Variants in MARCHF1 observed in about 807,000 individuals in gnomAD.
The protein encoded by MARCHF1 is membrane associated ring-CH-type finger 1.
In MARCHF1, 40 loss-of-function variants were observed where a neutral mutation model predicts 54.2. The observed-to-expected ratio is 0.74, with a 90% CI of 0.57 to 0.96. The LOEUF (loss-of-function observed/expected upper bound fraction) is 0.96, where lower values mean the gene tolerates loss of function less well. MARCHF1 is among the 40% of genes least tolerant of loss of function. The pLI is 0.00. For synonymous variants in MARCHF1, 236 were observed against 236.3 expected (o/e 1.00, Z 0.01); for missense variants, 586 against 656.5 (o/e 0.89, Z 1.17).
intron 1 of MARCHF1, among the ~76,000 whole-genome samples, chr4:164,176,675 C>A (rs890941806): frequency 4.6e-5 from 7 of 151,832 alleles, no homozygotes; most frequent in Admixed American, 1.3e-4. Flanking sequence ...AGAGATAGTC[C>A]ATTTTTGTGT....
chr4:164,145,642 C>A (rs1729665817), intron 1 of MARCHF1, among the ~76,000 whole-genome samples: 1 of 152,080 alleles, frequency 6.6e-6, no homozygotes, highest in Non-Finnish European at 1.5e-5. Context: ...CAAAAACTCT[C>A]AATAAATTAG....
chr4:163,996,585 A>G (rs376084280), intron 2 of MARCHF1, among the ~76,000 whole-genome samples: 1 of 152,060 alleles, frequency 6.6e-6, no homozygotes, highest in Non-Finnish European at 1.5e-5. Flanking sequence ...GCATTCATAT[A>G]TTTTTAGCCA....
intron 2 of MARCHF1, among the ~76,000 whole-genome samples, chr4:164,013,777 C>T (rs979150554): frequency 1.3e-5 from 2 of 152,124 alleles, no homozygotes; most frequent in Non-Finnish European, 2.9e-5. Context: ...TTACATTAAT[C>T]AAAGTTATCC....
At chr4:164,099,140 T>A (rs1560903091) in intron 2 of MARCHF1, among the ~76,000 whole-genome samples, 1 of 152,202 alleles carries the variant, frequency 6.6e-6, no homozygotes, top group African/African-American at 2.4e-5. Context: ...CTCAGCTGCA[T>A]AAACAAACAG....
chr4:163,679,959 C>T (rs1744047980), intron 5 of MARCHF1, among the ~76,000 whole-genome samples: 1 of 143,278 alleles, frequency 7.0e-6, no homozygotes, highest in African/African-American at 2.6e-5. Context: ...TGCCTGTTAA[C>T]TATCTCTTGC....
chr4:163,832,590 A>ATTATTC (rs1749057716), intron 4 of MARCHF1, among the ~76,000 whole-genome samples: 1 of 150,070 alleles, frequency 6.7e-6, no homozygotes, highest in Non-Finnish European at 1.5e-5. Flanking sequence ...AAATATTATT[A>ATTATTC]TTATTATTAT....
chr4:164,256,914 G>C (rs1733305203), intron 1 of MARCHF1, among the ~76,000 whole-genome samples: 1 of 152,018 alleles, frequency 6.6e-6, no homozygotes, highest in Non-Finnish European at 1.5e-5. Context: ...TATTTAAAAA[G>C]GAAATAATAC....
At chr4:164,379,390 T>C (rs1289123959) in intron 1 of MARCHF1, among the ~76,000 whole-genome samples, 1 of 151,984 alleles carries the variant, frequency 6.6e-6, no homozygotes, top group Non-Finnish European at 1.5e-5. Flanking sequence ...AGTGAAACCA[T>C]CTATTAAACA....
chr4:164,173,108 T>C (rs1419923807), intron 1 of MARCHF1, among the ~76,000 whole-genome samples: 1 of 152,236 alleles, frequency 6.6e-6, no homozygotes, highest in African/African-American at 2.4e-5. Context: ...AATACGTATT[T>C]CCAAATATTT....
At chr4:164,116,396 C>G (rs1023097453) in intron 1 of MARCHF1, among the ~76,000 whole-genome samples, 1 of 152,152 alleles carries the variant, frequency 6.6e-6, no homozygotes, top group Non-Finnish European at 1.5e-5. Context: ...TTGCAGGCCA[C>G]TCCATTGCAC....
At chr4:163,714,513 A>G (rs1381841159) in intron 4 of MARCHF1, among the ~76,000 whole-genome samples, 2 of 152,202 alleles carry the variant, frequency 1.3e-5, no homozygotes, top group African/African-American at 4.8e-5. Context: ...TTTCAATCAC[A>G]TTTACTTTCT....
At chr4:163,887,704 A>C (rs1750570452) in intron 3 of MARCHF1, among the ~76,000 whole-genome samples, 1 of 152,184 alleles carries the variant, frequency 6.6e-6, no homozygotes, top group South Asian at 2.1e-4. Flanking sequence ...CAAGAAAATC[A>C]ATTTGGCTGT....
chr4:164,023,204 C>T (rs1342476905), intron 2 of MARCHF1, among the ~76,000 whole-genome samples: 1 of 152,194 alleles, frequency 6.6e-6, no homozygotes, highest in Non-Finnish European at 1.5e-5. Flanking sequence ...TGTCTCCTTG[C>T]TGAGATCTCT....
chr4:163,717,867 G>A (rs755469606), intron 4 of MARCHF1, among the ~76,000 whole-genome samples: 6 of 151,448 alleles, frequency 4.0e-5, no homozygotes, highest in Non-Finnish European at 5.9e-5. Context: ...TTGTAAATTC[G>A]TCCTGGAGGC....
At chr4:164,185,311 GTGAA>G (rs1169551084) in intron 1 of MARCHF1, among the ~76,000 whole-genome samples, 4 of 152,302 alleles carry the variant, frequency 2.6e-5, no homozygotes, top group African/African-American at 4.8e-5. Context: ...AGGCATCTGA[GTGAA>G]TGGTTATTTT....
chr4:164,000,954 G>A lies in MARCHF1; in HGVS notation c.-247-12245C>T, dbSNP rs59945371. ...TTATGTTTAGTTAGTCATTAAGAAG[G>A]GCTGCAATTATCCAAGGATCATTTT... On this transcript the variant is annotated intron_variant, in intron 2 of 9. Transcript: ENST00000514618. Among the ~76,000 whole-genome samples the A allele has an allele frequency of 4.3e-3, 657 of 151,600 alleles. 8 individuals carry two copies. The highest frequency in any genetic ancestry group is 0.015 in the African/African-American group (638 of 41,466).
intron 8 of MARCHF1, among the ~76,000 whole-genome samples, chr4:163,570,880 C>A (rs553643724): frequency 6.6e-6 from 1 of 152,164 alleles, no homozygotes; most frequent in African/African-American, 2.4e-5. Flanking sequence ...TCCCTCAGTA[C>A]TGTTATCTGC....
At chr4:164,059,549 T>C (rs1754569446) in intron 2 of MARCHF1, among the ~76,000 whole-genome samples, 1 of 152,178 alleles carries the variant, frequency 6.6e-6, no homozygotes, top group South Asian at 2.1e-4. Context: ...AGAAAACTCT[T>C]ACCTATATAG....
At chr4:164,211,104 C>A (rs1290906451) in intron 1 of MARCHF1, among the ~76,000 whole-genome samples, 1 of 151,724 alleles carries the variant, frequency 6.6e-6, no homozygotes, top group African/African-American at 2.4e-5. Flanking sequence ...GTACAAAGTT[C>A]CTCTTAGACA....
Sources: allele counts gnomAD v4.1 joint callset (sites outside exome capture counted in the v4.1 genomes callset), GRCh38; gene constraint gnomAD v4.1.1; transcripts MANE v1.5; gene names NCBI Gene and HGNC (gene_info 2026-07-23, HGNC 2026-07-21).